CA10: variants seen among roughly 807,000 people sequenced by gnomAD.
CA10 encodes the protein carbonic anhydrase-related protein 10.
CA10 carries 14 observed loss-of-function variants against 44.2 expected under a neutral mutation model. That is an observed-to-expected ratio of 0.32 (90% CI 0.21 to 0.50). CA10 has a LOEUF of 0.50. Among genes scored for constraint, CA10 ranks in the 20% least tolerant of loss-of-function variants. The pLI, the probability that CA10 is intolerant of heterozygous loss-of-function variation, is 0.99. For missense variants in CA10, 350 were observed against 409.7 expected, an observed-to-expected ratio of 0.85 and a Z score of 1.26; for synonymous variants, 159 against 141.6, an observed-to-expected ratio of 1.12 and a Z score of -0.87.
chr17:52,037,942 AT>A (rs534247333), intron 2 of CA10, among the ~76,000 whole-genome samples: 24 of 148,266 alleles, frequency 1.6e-4, no homozygotes, highest in Middle Eastern at 3.4e-3. Flanking sequence ...TCTTTATAGC[AT>A]TTTTTTTTTC....
intron 3 of CA10, among the ~76,000 whole-genome samples, chr17:51,804,949 GGA>G (rs1185120763): frequency 6.6e-6 from 1 of 152,154 alleles, no homozygotes; most frequent in Non-Finnish European, 1.5e-5. Context: ...ACTAGGGAAG[GGA>G]GAGACAGTAC....
Position 51,786,011 on chromosome 17 carries a change from G to A in CA10, c.280-38193C>T, listed in dbSNP as rs182717859. On this transcript the variant is annotated intron_variant, in intron 3 of 8. Transcript: ENST00000451037. ...CTTTCATCAGTGTTTTATTGTTTTC[G>A]TTATAGAGATCTTTCACTTATTTGG... is the stretch of plus-strand genomic sequence containing the variant. Among the ~76,000 whole-genome samples the A allele has an allele frequency of 2.8e-4, 43 of 151,992 alleles. No homozygotes were observed. In the East Asian group the frequency reaches 5.8e-3, roughly 20 times the overall value.
chr17:52,099,973 G>A (rs1438864678), intron 1 of CA10, among the ~76,000 whole-genome samples: 4 of 152,186 alleles, frequency 2.6e-5, no homozygotes, highest in African/African-American at 9.7e-5. Flanking sequence ...TAGTGGAGTG[G>A]TGGGGAGGAA....
intron 3 of CA10, among the ~76,000 whole-genome samples, chr17:51,907,194 T>C (rs190910460): frequency 2.0e-5 from 3 of 152,244 alleles, no homozygotes; most frequent in East Asian, 1.9e-4. Flanking sequence ...ATAGTGACCT[T>C]CTTCCTGTTT....
rs564333158 is a variant in CA10, at chr17:51,906,004, A to G, written c.279+24986T>C. The stretch of plus-strand genomic sequence containing the variant: ...TGGTGGCCAGCACCTCCTTTCTTGG[A>G]TAGGATCCTACATTATCTTGCGTGG... On this transcript the variant is annotated intron_variant, in intron 3 of 8. Transcript: ENST00000451037. Among the ~76,000 whole-genome samples, 144 of 152,124 alleles carry G rather than the reference A, an allele frequency of 9.5e-4. 2 individuals are homozygous for G. In the South Asian group the frequency reaches 0.028, roughly 30 times the overall value.
intron 3 of CA10, among the ~76,000 whole-genome samples, chr17:51,803,059 G>A (rs1292606750): frequency 6.6e-6 from 1 of 152,164 alleles, no homozygotes. Context: ...TTTAAATGGG[G>A]GGATTAGGCT....
rs142929501 is a variant in CA10, at chr17:52,130,129, C to G, written c.61+27597G>C. Among the ~76,000 whole-genome samples the G allele has an allele frequency of 4.9e-3, 742 of 152,166 alleles. 6 individuals carry two copies. The highest frequency in any genetic ancestry group is 0.017 in the African/African-American group (713 of 41,528). On this transcript the variant is annotated intron_variant, in intron 1 of 8. Transcript: ENST00000451037. ...TATCACCTTATTCATGTTAGAATGT[C>G]TCTTAATAAAAAGATGAAAGATAAC...
At chr17:51,678,699 C>A (rs1195192666) in intron 4 of CA10, among the ~76,000 whole-genome samples, 1 of 152,174 alleles carries the variant, frequency 6.6e-6, no homozygotes, top group Non-Finnish European at 1.5e-5. Context: ...TGGTGTAATG[C>A]AGTCAAGAGA....
chr17:51,995,659 G>A (rs1342146331), intron 2 of CA10, among the ~76,000 whole-genome samples: 2 of 152,060 alleles, frequency 1.3e-5, no homozygotes, highest in African/African-American at 4.8e-5. Flanking sequence ...CAAAATTTCT[G>A]TAATATCTGA....
rs113225579 is a variant in CA10 at position 51,835,577 on chromosome 17, G to A, written c.280-87759C>T. 9.5e-3 allele frequency among the ~76,000 whole-genome samples: 1,451 copies of A among 152,262 alleles called. 18 individuals carry two copies. Among genetic ancestry groups the A allele is most frequent in the African/African-American group, 0.031 (1,295 of 41,540 alleles). ...AAATGAAATTAGGTTTCTAAGAAAG[G>A]CGTTGTTATCTTTCGATTCAACAAA... On this transcript the variant is annotated intron_variant, in intron 3 of 8. Coordinates refer to ENST00000451037, the MANE Select transcript of CA10 (RefSeq NM_020178.5).
At chr17:51,762,170 T>G (rs1252589045) in intron 3 of CA10, 1 of 152,194 alleles carries the variant, frequency 6.6e-6, no homozygotes, top group Non-Finnish European at 1.5e-5. Context: ...TGAGGGTAAA[T>G]AGGCCACAGA....
At chr17:52,119,383 T>C (rs1988964844) in intron 1 of CA10, among the ~76,000 whole-genome samples, 1 of 152,254 alleles carries the variant, frequency 6.6e-6, no homozygotes, top group Admixed American at 6.5e-5. Flanking sequence ...GGAATCAAGC[T>C]TGACTTGCAG....
At chr17:51,892,884 GAAC>G (rs1220362703) in intron 3 of CA10, among the ~76,000 whole-genome samples, 1 of 152,072 alleles carries the variant, frequency 6.6e-6, no homozygotes, top group Non-Finnish European at 1.5e-5. Context: ...TGAACAACTG[GAAC>G]AACGCTAGCA....
chr17:51,636,475 T>C (rs1384307741), intron 6 of CA10, among the ~76,000 whole-genome samples: 1 of 152,162 alleles, frequency 6.6e-6, no homozygotes, highest in Non-Finnish European at 1.5e-5. Context: ...AAGGCTGATG[T>C]TGGGGATGCG....
chr17:51,973,549 T>TG, intron 2 of CA10, among the ~76,000 whole-genome samples: 1 of 152,162 alleles, frequency 6.6e-6, no homozygotes, highest in African/African-American at 2.4e-5. Flanking sequence ...CTGCATAATA[T>TG]GGGGAAATAC....
chr17:51,805,923 T>G (rs1907115855), intron 3 of CA10, among the ~76,000 whole-genome samples: 1 of 152,120 alleles, frequency 6.6e-6, no homozygotes, highest in African/African-American at 2.4e-5. Flanking sequence ...ATCTGAAGGA[T>G]GAGAACAAAC....
chr17:51,906,757 C>T (rs1263595163), intron 3 of CA10, among the ~76,000 whole-genome samples: 1 of 152,128 alleles, frequency 6.6e-6, no homozygotes, highest in Non-Finnish European at 1.5e-5. Context: ...CTTCCTCAGT[C>T]TTCTCTATCT....
At chr17:51,707,975 A>C (rs1915814327) in intron 4 of CA10, among the ~76,000 whole-genome samples, 1 of 152,182 alleles carries the variant, frequency 6.6e-6, no homozygotes, top group Non-Finnish European at 1.5e-5. Flanking sequence ...TCATGGAGAC[A>C]CTTAAAGCAG....
At chr17:51,688,714 T>A (rs2143415408) in intron 4 of CA10, among the ~76,000 whole-genome samples, 1 of 152,348 alleles carries the variant, frequency 6.6e-6, no homozygotes, top group Middle Eastern at 3.4e-3. Context: ...TTACACTTTA[T>A]TCCAGACCTA....
Sources: gnomAD v4.1 joint callset for allele counts (sites outside exome capture counted in the v4.1 genomes callset) on GRCh38, gnomAD v4.1.1 for gene constraint, MANE v1.5 for transcripts, NCBI Gene and HGNC (gene_info 2026-07-23, HGNC 2026-07-21) for gene names.